The following UNC79 variants were observed in gnomAD, a reference collection of about 807,000 sequenced individuals.
UNC79 encodes the protein unc-79 subunit of NALCN channel complex.
Under a neutral mutation model 283.1 loss-of-function variants are expected in UNC79, and 37 were observed. That is an observed-to-expected ratio of 0.13 (90% CI 0.10 to 0.17). The LOEUF is 0.17. UNC79 is among the 10% of genes least tolerant of loss of function. UNC79 has a pLI of 1.00. For missense variants in UNC79, 2,272 were observed against 3,211.1 expected (o/e 0.71, Z 7.07); for synonymous variants, 1,107 against 1,200.2 (o/e 0.92, Z 1.61).
At chr14:93,662,466 G>A (rs551593586) in intron 39 of UNC79, 138 bp from the exon 43 acceptor site, 30 of 558,518 alleles carry the variant, frequency 5.4e-5, no homozygotes, top group Non-Finnish European at 8.9e-5. Context: ...CAATGGGGTT[G>A]CTACAGGAGC....
At chr14:93,427,373 A>G (rs957246166), upstream of UNC79, among the ~76,000 whole-genome samples, 2 of 152,308 alleles carry the variant, frequency 1.3e-5, no homozygotes, top group African/African-American at 4.8e-5. Context: ...TGTTGAGCAT[A>G]AAGTGTTAAG....
rs147869412 is a variant in UNC79, at chr14:93,618,317, C to G, written c.4350C>G (p.Asp1450Glu). 6.8e-6 allele frequency: 11 copies of G among 1,613,428 alleles called. No homozygotes were observed. In the African/African-American group the frequency reaches 1.5e-4, roughly 22 times the overall value. ...CCACGGCAGGACCTTTGTACAGTGACAACAGTAACATAAGCAGATACAGCG... is the reference window on the plus strand; with the variant it reads ...CCACGGCAGGACCTTTGTACAGTGAGAACAGTAACATAAGCAGATACAGCG... Residue 1450 changes from aspartate to glutamate, a missense_variant, in exon 29 of 49, where the codon GAC becomes GAG. Transcript: ENST00000555664.
At chr14:93,646,784 A>T in intron 35 of UNC79, 138 bp downstream of exon 38, 2 of 841,480 alleles carry the variant, frequency 2.4e-6, no homozygotes, top group Non-Finnish European at 3.7e-6. Flanking sequence ...CCAGGGTGGG[A>T]GGATCACTCG....
chr14:93,387,149 G>A (rs145882580), intron 1 of UNC79, among the ~76,000 whole-genome samples: 2,118 of 151,842 alleles, frequency 0.014, 23 homozygotes, highest in Middle Eastern at 0.034. Context: ...CACCATGTTA[G>A]TCAGGCTGGT....
chr14:93,487,885 G>A, intron 5 of UNC79, 130 bp downstream of exon 5: 1 of 782,828 alleles, frequency 1.3e-6, no homozygotes, highest in Non-Finnish European at 1.9e-6. Flanking sequence ...AGACTTTTGA[G>A]TTGGAATCAA....
In UNC79 at chr14:93,351,604, T is replaced by A. The variant is rs189367765; in HGVS notation, c.-351+18081T>A. Among the ~76,000 whole-genome samples, 147 of 152,308 alleles carry A rather than the reference T, an allele frequency of 9.7e-4. 1 individual carries two copies. The highest frequency in any genetic ancestry group is 1.2e-3 in the Non-Finnish European group (81 of 68,024). On this transcript the variant is annotated intron_variant, in intron 1 of 49. Coordinates refer to the UNC79 transcript ENST00000256339. The stretch of plus-strand genomic sequence containing the variant: ...TTTGTTACTTTAGTATTTTTACATT[T>A]CTATCTCAAAATTTATATTGATGTA...
intron 1 of UNC79, among the ~76,000 whole-genome samples, chr14:93,408,788 G>A (rs1016165360): frequency 6.6e-6 from 1 of 152,204 alleles, no homozygotes; most frequent in African/African-American, 2.4e-5. Context: ...TGTTAGTAAT[G>A]GGAAAAACTT....
intron 43 of UNC79, among the ~76,000 whole-genome samples, chr14:93,687,481 A>T (rs969771709): frequency 6.6e-6 from 1 of 152,194 alleles, no homozygotes; most frequent in African/African-American, 2.4e-5. Context: ...GAGCAGCCAA[A>T]TTGCAATCTG....
chr14:93,624,647 A>G (rs949700365), intron 30 of UNC79, among the ~76,000 whole-genome samples: 1 of 152,206 alleles, frequency 6.6e-6, no homozygotes. Flanking sequence ...AAAATACATG[A>G]TAGTTATAAC....
chr14:93,672,213 T>A (rs1191020184), intron 40 of UNC79, among the ~76,000 whole-genome samples: 1 of 152,114 alleles, frequency 6.6e-6, no homozygotes, highest in Non-Finnish European at 1.5e-5. Context: ...AATCAGTATA[T>A]CAAAAGGATA....
chr14:93,665,074 T>C (rs982084650), intron 40 of UNC79, among the ~76,000 whole-genome samples: 2 of 151,328 alleles, frequency 1.3e-5, no homozygotes, highest in African/African-American at 4.8e-5. Flanking sequence ...AATGACAATA[T>C]ATAAGTGACT....
chr14:93,630,908 A>G (rs771007527), exon 31 of UNC79: 6 of 1,612,308 alleles, frequency 3.7e-6, no homozygotes, highest in African/African-American at 1.3e-5. Flanking sequence ...CTCAATATCA[A>G]GTAAGATTTC....
chr14:93,652,347 C>T (rs1314883330), intron 35 of UNC79, among the ~76,000 whole-genome samples: 1 of 152,100 alleles, frequency 6.6e-6, no homozygotes, highest in Non-Finnish European at 1.5e-5. Flanking sequence ...TCTCAACCTC[C>T]CTGGCTCAAG....
chr14:93,652,715 T>TCTACTTGGTCATGACC (rs2070423090), intron 35 of UNC79, among the ~76,000 whole-genome samples: 1 of 152,272 alleles, frequency 6.6e-6, no homozygotes, highest in Non-Finnish European at 1.5e-5. Context: ...TGGAATAAAC[T>TCTACTTGGTCATGACC]CTACTTGGTC....
At chr14:93,697,553 A>G (rs935550953) in intron 47 of UNC79, among the ~76,000 whole-genome samples, 2 of 152,134 alleles carry the variant, frequency 1.3e-5, no homozygotes, top group African/African-American at 4.8e-5. Flanking sequence ...TTGTTTGGCT[A>G]TTCTAGGTCA....
At chr14:93,465,406 A>G (rs1190849020) in intron 1 of UNC79, among the ~76,000 whole-genome samples, 1 of 152,196 alleles carries the variant, frequency 6.6e-6, no homozygotes, top group Non-Finnish European at 1.5e-5. Context: ...TGAGTAAGGT[A>G]TAGTTTCTGC....
intron 43 of UNC79, among the ~76,000 whole-genome samples, chr14:93,687,866 C>A (rs2074372014): frequency 6.6e-6 from 1 of 152,026 alleles, no homozygotes; most frequent in Non-Finnish European, 1.5e-5. Context: ...AAGTAGGAAC[C>A]AGGATCATCA....
chr14:93,461,480 G>A (rs1034596887), intron 1 of UNC79, among the ~76,000 whole-genome samples: 1 of 152,152 alleles, frequency 6.6e-6, no homozygotes, highest in African/African-American at 2.4e-5. Context: ...TTAAATTTGT[G>A]TATGCACAGA....
rs2140916367 is a variant in UNC79, at chr14:93,688,920, A to G, written c.7085+80A>G. ...AGTTTCCTCGGGCTCAGCTAGAGTTAAGGAGTACACCGAAGATTTATGACA... is the reference window on the plus strand; with the variant it reads ...AGTTTCCTCGGGCTCAGCTAGAGTTGAGGAGTACACCGAAGATTTATGACA... On this transcript the variant is annotated intron_variant, in intron 44 of 48. Transcript: ENST00000555664. This position sits in a 1 kb window ranked among gnomAD's most constrained non-coding sequence, Gnocchi z 4.0. The G allele has an allele frequency of 1.4e-6, 2 of 1,481,268 alleles. No individual in the cohort carries two copies. The highest frequency in any genetic ancestry group is 3.9e-5 in the Admixed American group (2 of 51,126). The allele number at this position is 1,481,268 out of a possible 1,614,324, so 91.8% of individuals were successfully genotyped here.
Sources: allele counts gnomAD v4.1 joint callset (sites outside exome capture counted in the v4.1 genomes callset), GRCh38; gene constraint gnomAD v4.1.1; non-coding constraint Gnocchi (gnomAD v3.1); transcripts MANE v1.5; gene names NCBI Gene and HGNC (gene_info 2026-07-23, HGNC 2026-07-21).